Variants in AUTS2 observed in about 807,000 individuals in gnomAD.
AUTS2 encodes autism susceptibility gene 2 protein.
A neutral mutation model predicts 112.4 loss-of-function variants in AUTS2; 17 were observed. The observed-to-expected ratio is 0.15, with a 90% CI of 0.10 to 0.23. AUTS2 has a LOEUF of 0.23. Ranked by LOEUF, AUTS2 falls within the 10% of genes least tolerant of loss-of-function variation. The pLI, the probability that AUTS2 is intolerant of heterozygous loss-of-function variation, is 1.00. For missense variants in AUTS2, 1,510 were observed against 1,701.6 expected (o/e 0.89, Z 1.98); for synonymous variants, 751 against 702.7 (o/e 1.07, Z -1.09).
At chr7:70,162,063 A>C (rs1429698321) in intron 4 of AUTS2, among the ~76,000 whole-genome samples, 2 of 152,216 alleles carry the variant, frequency 1.3e-5, no homozygotes, top group East Asian at 3.9e-4. Flanking sequence ...CAGATAAAAA[A>C]TATAAAATTG....
At chr7:69,855,870 A>G (rs1259667204) in intron 1 of AUTS2, among the ~76,000 whole-genome samples, 1 of 152,166 alleles carries the variant, frequency 6.6e-6, no homozygotes, top group Non-Finnish European at 1.5e-5. Context: ...GGGACTTGTC[A>G]ACCAACTTCT....
intron 2 of AUTS2, among the ~76,000 whole-genome samples, chr7:69,990,704 T>C (rs1004019490): frequency 2.0e-5 from 3 of 152,210 alleles, no homozygotes; most frequent in Admixed American, 6.5e-5. Context: ...AAGCTGGTGG[T>C]CATATTTATA....
At chr7:70,579,719 A>G (rs183374562) in intron 5 of AUTS2, among the ~76,000 whole-genome samples, 1 of 152,306 alleles carries the variant, frequency 6.6e-6, no homozygotes, top group East Asian at 1.9e-4. Context: ...GATGGAATTC[A>G]TCTTGTAAGG....
intron 6 of AUTS2, among the ~76,000 whole-genome samples, chr7:70,745,406 G>C (rs939169596): frequency 6.6e-6 from 1 of 152,142 alleles, no homozygotes; most frequent in Non-Finnish European, 1.5e-5. Flanking sequence ...GCAGTTGTTT[G>C]ACTTTGTATC....
At chr7:69,677,258 C>G (rs781640037) in intron 1 of AUTS2, among the ~76,000 whole-genome samples, 1 of 152,146 alleles carries the variant, frequency 6.6e-6, no homozygotes, top group Non-Finnish European at 1.5e-5. Flanking sequence ...CTGCCCATCA[C>G]TCTACCTTGA....
chr7:69,975,033 C>CTATT (rs902969674), intron 2 of AUTS2, among the ~76,000 whole-genome samples: 17 of 151,778 alleles, frequency 1.1e-4, no homozygotes, highest in Admixed American at 2.0e-4. Flanking sequence ...CTCCCAGTAA[C>CTATT]TATTTATTTA....
At chr7:70,596,738 C>T (rs1319557965) in intron 5 of AUTS2, 1 of 152,280 alleles carries the variant, frequency 6.6e-6, no homozygotes, top group Non-Finnish European at 1.5e-5. Context: ...GCACACCAGC[C>T]TTTAAAACCC....
At chr7:70,077,483 T>G (rs1803090794) in intron 2 of AUTS2, among the ~76,000 whole-genome samples, 1 of 152,238 alleles carries the variant, frequency 6.6e-6, no homozygotes, top group Non-Finnish European at 1.5e-5. Flanking sequence ...ACGTTCACTT[T>G]TGTAATCTCA....
intron 5 of AUTS2, among the ~76,000 whole-genome samples, chr7:70,629,277 C>T (rs1307990086): frequency 6.6e-6 from 1 of 152,138 alleles, no homozygotes; most frequent in Non-Finnish European, 1.5e-5. Context: ...TTGAGACCAG[C>T]TTGGCCAACA....
At chr7:69,689,359 T>C (rs1484150217) in intron 1 of AUTS2, among the ~76,000 whole-genome samples, 1 of 142,254 alleles carries the variant, frequency 7.0e-6, no homozygotes, top group East Asian at 2.0e-4. Flanking sequence ...TTTTTTTTTT[T>C]TTTTTTTTTG....
chr7:70,363,711 C>G (rs1175463914), intron 4 of AUTS2, among the ~76,000 whole-genome samples: 3 of 152,134 alleles, frequency 2.0e-5, no homozygotes, highest in Admixed American at 6.5e-5. Flanking sequence ...GTACTCCATA[C>G]TCTATTCTTT....
chr7:70,169,896 A>G lies in AUTS2; in HGVS notation c.660+35325A>G, dbSNP rs1808579170. Among the ~76,000 whole-genome samples the G allele has an allele frequency of 2.0e-5, 3 of 152,226 alleles. No individual in the cohort carries two copies. In the South Asian group the frequency reaches 6.2e-4, roughly 32 times the overall value. On this transcript the variant is annotated intron_variant, in intron 4 of 18. Transcript: ENST00000342771. ...CAAATTCTAGATAGTGATGCCACAT[A>G]TGTGTGGTGTGGGTTCCTTACAAAA...
intron 1 of AUTS2, among the ~76,000 whole-genome samples, chr7:69,600,408 CGT>C (rs113179115): frequency 0.14 from 20,479 of 143,184 alleles, 1,381 homozygotes; most frequent in Middle Eastern, 0.26. Context: ...GTCATATGTT[CGT>C]GTGTGTGTGT....
intron 1 of AUTS2, among the ~76,000 whole-genome samples, chr7:69,852,618 A>G (rs1421300412): frequency 6.6e-6 from 1 of 151,774 alleles, no homozygotes. Context: ...ATGCCCGGCT[A>G]ATTTTTGTAT....
chr7:69,749,581 A>G (rs1787650761), intron 1 of AUTS2, among the ~76,000 whole-genome samples: 1 of 151,966 alleles, frequency 6.6e-6, no homozygotes, highest in African/African-American at 2.4e-5. Flanking sequence ...CTTCCAGAGT[A>G]TTTGTTTCTT....
intron 4 of AUTS2, among the ~76,000 whole-genome samples, chr7:70,273,279 A>G (rs1787777080): frequency 6.6e-6 from 1 of 152,164 alleles, no homozygotes; most frequent in African/African-American, 2.4e-5. Flanking sequence ...CCTGGGTTCA[A>G]GCAATCTGCC....
At chr7:70,531,456 CTGCAGGCTT>C (rs1800084965) in intron 5 of AUTS2, among the ~76,000 whole-genome samples, 1 of 152,164 alleles carries the variant, frequency 6.6e-6, no homozygotes, top group African/African-American at 2.4e-5. Flanking sequence ...ACTCATGGTT[CTGCAGGCTT>C]TGCAAGCATG....
intron 1 of AUTS2, among the ~76,000 whole-genome samples, chr7:69,819,266 G>T (rs750444637): frequency 6.6e-6 from 1 of 152,128 alleles, no homozygotes; most frequent in Non-Finnish European, 1.5e-5. Flanking sequence ...CTTGGGATTT[G>T]GATTTTTGCC....
chr7:69,955,869 A>G (rs1797191425), intron 2 of AUTS2, among the ~76,000 whole-genome samples: 1 of 152,152 alleles, frequency 6.6e-6, no homozygotes, highest in Non-Finnish European at 1.5e-5. Flanking sequence ...GGTATGCTCA[A>G]GTTATTGCTC....
Sources: allele counts gnomAD v4.1 joint callset (sites outside exome capture counted in the v4.1 genomes callset), GRCh38; gene constraint gnomAD v4.1.1; transcripts MANE v1.5; gene names NCBI Gene and HGNC (gene_info 2026-07-23, HGNC 2026-07-21).